The following RTN4 variants were observed in gnomAD, a reference collection of about 807,000 sequenced individuals.
RTN4 encodes the protein reticulon-4.
In RTN4, 32 loss-of-function variants were observed where a neutral mutation model predicts 90.4. The observed-to-expected ratio is 0.35, with a 90% confidence interval of 0.27 to 0.48. The LOEUF (loss-of-function observed/expected upper bound fraction) is 0.48, where lower values mean the gene tolerates loss of function less well. Ranked by LOEUF, RTN4 falls within the 20% of genes least tolerant of loss-of-function variation. RTN4 has a pLI of 0.99. For missense variants in RTN4, 1,706 were observed against 1,430.2 expected (o/e 1.19, Z -3.11); for synonymous variants, 629 against 552.5 (o/e 1.14, Z -1.94).
chr2:54,972,321 T>G lies in RTN4; in HGVS notation c.*835A>C, dbSNP rs1677099477. 6.6e-6 allele frequency: 1 copy of G among 152,056 alleles called. No individual in the cohort carries two copies. Among genetic ancestry groups the G allele is most frequent in the Non-Finnish European group, 1.5e-5 (1 of 68,028 alleles). The allele number at this position is 152,056 out of a possible 1,614,324, so 9.4% of individuals were successfully genotyped here. A position where few individuals can be genotyped will look rare whatever the true frequency, so the allele number is the denominator to read the frequency against. ...TAATTAATAATTTCTTGCATAACAATGTTTGATATTTGCAAACAAACAACA... is the reference window on the plus strand; with the variant it reads ...TAATTAATAATTTCTTGCATAACAAGGTTTGATATTTGCAAACAAACAACA... On this transcript the variant is annotated 3_prime_UTR_variant, in exon 9 of 9. Transcript: ENST00000337526.
intron 3 of RTN4, among the ~76,000 whole-genome samples, chr2:55,022,556 A>G (rs1231609623): frequency 6.6e-6 from 1 of 152,072 alleles, no homozygotes; most frequent in Non-Finnish European, 1.5e-5. Context: ...CTGCTTCCAG[A>G]CTTTTATTTC....
At chr2:54,983,347 A>C (rs1334818649) in intron 4 of RTN4, among the ~76,000 whole-genome samples, 1 of 151,774 alleles carries the variant, frequency 6.6e-6, no homozygotes, top group African/African-American at 2.4e-5. Flanking sequence ...AAATAAATAA[A>C]TAAATAAAAA....
At position 55,027,545 on chromosome 2, in the gene RTN4, G is replaced by C. The variant is rs1170757457; in HGVS notation, c.614-60C>G. The stretch of plus-strand genomic sequence containing the variant: ...GCCAGTGTTCTCAGAGTTAATGCAA[G>C]TTTTATGACAGATCCAAAATAGTGT... On this transcript the variant is annotated intron_variant, in intron 2 of 8. Coordinates refer to ENST00000337526, the MANE Select transcript of RTN4 (RefSeq NM_020532.5). The C allele has an allele frequency of 2.7e-6, 4 of 1,508,894 alleles. No homozygotes were observed. In the African/African-American group the frequency reaches 5.6e-5, roughly 21 times the overall value. The allele number at this position is 1,508,894 out of a possible 1,614,324, so 93.5% of individuals were successfully genotyped here.
upstream of RTN4, among the ~76,000 whole-genome samples, chr2:55,054,089 C>T (rs1465499476): frequency 6.6e-6 from 1 of 151,844 alleles, no homozygotes; most frequent in African/African-American, 2.4e-5. Context: ...ACACTTGTAC[C>T]CATAAATTTA....
chr2:55,005,944 A>G (rs1008259719), intron 3 of RTN4, among the ~76,000 whole-genome samples: 1 of 152,168 alleles, frequency 6.6e-6, no homozygotes, highest in African/African-American at 2.4e-5. Flanking sequence ...ACTTTGGAGC[A>G]TTTTGGCTTT....
chr2:55,118,592 C>G, the RTN4 span, among the ~76,000 whole-genome samples: 4 of 152,076 alleles, frequency 2.6e-5, no homozygotes, highest in African/African-American at 9.7e-5. Context: ...CCCTGCCCCC[C>G]AAAACACACT....
the RTN4 span, among the ~76,000 whole-genome samples, chr2:55,119,682 A>G: frequency 5.9e-5 from 9 of 152,216 alleles, no homozygotes; most frequent in Non-Finnish European, 1.3e-4. Context: ...AAAAAGCAAA[A>G]GATCAGGGAG....
chr2:55,052,745 T>C (rs971122734), upstream of RTN4, among the ~76,000 whole-genome samples: 1 of 152,226 alleles, frequency 6.6e-6, no homozygotes, highest in African/African-American at 2.4e-5. Context: ...TGCATAAACA[T>C]ACAAAAATAT....
chr2:55,064,064 A>C (rs933654482), intron 2 of RTN4, among the ~76,000 whole-genome samples: 1 of 151,970 alleles, frequency 6.6e-6, no homozygotes, highest in Non-Finnish European at 1.5e-5. Context: ...CCTCAAAAAA[A>C]TTTAAAAATT....
At chr2:55,131,164 A>G in the RTN4 span, among the ~76,000 whole-genome samples, 1 of 151,062 alleles carries the variant, frequency 6.6e-6, no homozygotes. Flanking sequence ...TACAACCTCC[A>G]CCTCTTGGGC....
the RTN4 span, among the ~76,000 whole-genome samples, chr2:55,127,883 G>A: frequency 9.3e-5 from 14 of 150,810 alleles, no homozygotes; most frequent in Non-Finnish European, 1.9e-4. Context: ...ATGCTTTTGT[G>A]TTTGGCATCA....
chr2:55,028,194 C>T lies in RTN4; in HGVS notation c.583G>A (p.Ala195Thr). The T allele has an allele frequency of 1.2e-6, 2 of 1,612,858 alleles. No homozygotes were observed. Among genetic ancestry groups the T allele is most frequent in the Non-Finnish European group, 1.7e-6 (2 of 1,179,380 alleles). ...VDETLFALPA[A>T]SEPVIRSSAE... ...GAGGAGCGTATCACAGGCTCAGATG[C>T]AGCAGGAAGAGCAAAAAGGGTCTCA... Residue 195 changes from alanine to threonine, a missense_variant, in exon 2 of 9, where the codon GCA (alanine) becomes ACA (threonine). Transcript: ENST00000337526.
At chr2:55,069,875 T>A (rs922671441) in intron 2 of RTN4, among the ~76,000 whole-genome samples, 1 of 152,180 alleles carries the variant, frequency 6.6e-6, no homozygotes, top group African/African-American at 2.4e-5. Flanking sequence ...GGTACATGAA[T>A]TAAGCCAAAT....
chr2:55,080,941 G>GA (rs1668700652), intron 1 of RTN4, among the ~76,000 whole-genome samples: 1 of 152,008 alleles, frequency 6.6e-6, no homozygotes, highest in Non-Finnish European at 1.5e-5. Context: ...ACTTAAAAAG[G>GA]AAAAAAATTC....
At chr2:54,998,005 G>A (rs1156493305) in intron 3 of RTN4, among the ~76,000 whole-genome samples, 1 of 152,112 alleles carries the variant, frequency 6.6e-6, no homozygotes, top group African/African-American at 2.4e-5. Flanking sequence ...TCAAGAATAA[G>A]GGGGAAACTA....
chr2:54,982,427 C>G, intron 5 of RTN4, 88 bp downstream of exon 5: 1 of 1,129,846 alleles, frequency 8.9e-7, no homozygotes, highest in Non-Finnish European at 1.3e-6. Context: ...TTATCATTTA[C>G]TTGAATATAG....
intron 2 of RTN4, among the ~76,000 whole-genome samples, chr2:55,067,863 CATT>C (rs1247691156): frequency 6.6e-5 from 10 of 152,220 alleles, no homozygotes; most frequent in Admixed American, 5.9e-4. Context: ...TTTAAAATAA[CATT>C]AATAAACCCA....
intron 3 of RTN4, among the ~76,000 whole-genome samples, chr2:55,011,101 T>C (rs992583134): frequency 2.6e-5 from 4 of 152,166 alleles, no homozygotes; most frequent in Admixed American, 1.3e-4. Flanking sequence ...GGTGCAATCA[T>C]TGGTCACATG....
the RTN4 span, among the ~76,000 whole-genome samples, chr2:55,120,318 C>T: frequency 6.6e-6 from 1 of 152,220 alleles, no homozygotes; most frequent in African/African-American, 2.4e-5. Context: ...CCCCTATCTC[C>T]AGCTCACCAG....
Sources: gnomAD v4.1 joint callset for allele counts (sites outside exome capture counted in the v4.1 genomes callset) on GRCh38, gnomAD v4.1.1 for gene constraint, MANE v1.5 for transcripts, NCBI Gene and HGNC (gene_info 2026-07-23, HGNC 2026-07-21) for gene names.